Variants in KCNH8 observed in about 807,000 individuals in gnomAD.
KCNH8 encodes the protein voltage-gated delayed rectifier potassium channel KCNH8.
In KCNH8, 70 loss-of-function variants were observed where a neutral mutation model predicts 103.6. That is an observed-to-expected ratio of 0.68 (90% confidence interval 0.56 to 0.82). KCNH8 has a LOEUF of 0.82. KCNH8 is among the 40% of genes least tolerant of loss of function. KCNH8 has a pLI of 0.00. For missense variants in KCNH8, 1,217 were observed against 1,329.9 expected, an observed-to-expected ratio of 0.92 and a Z score of 1.32; for synonymous variants, 498 against 489.4, an observed-to-expected ratio of 1.02 and a Z score of -0.23.
chr3:19,206,300 C>A (rs1359218058), intron 1 of KCNH8, among the ~76,000 whole-genome samples: 1 of 134,678 alleles, frequency 7.4e-6, no homozygotes, highest in Non-Finnish European at 1.5e-5. Context: ...TTTATCCACT[C>A]GTTGATTGAT....
intron 1 of KCNH8, among the ~76,000 whole-genome samples, chr3:19,243,794 CCAGT>C (rs2064171863): frequency 6.6e-6 from 1 of 151,986 alleles, no homozygotes; most frequent in East Asian, 1.9e-4. Flanking sequence ...AAAGGCTGTT[CCAGT>C]CAGTTTGAAA....
chr3:19,468,098 T>C (rs1164770123), intron 11 of KCNH8, among the ~76,000 whole-genome samples: 1 of 152,242 alleles, frequency 6.6e-6, no homozygotes, highest in Non-Finnish European at 1.5e-5. Flanking sequence ...ATCACCTTGT[T>C]TGTCTTTTTT....
At chr3:19,243,682 A>T (rs1476428913) in intron 1 of KCNH8, among the ~76,000 whole-genome samples, 1 of 152,204 alleles carries the variant, frequency 6.6e-6, no homozygotes, top group Non-Finnish European at 1.5e-5. Context: ...GTCTTCAAAA[A>T]TTCAAATTTA....
chr3:19,524,148 T>C (rs989960683), intron 15 of KCNH8, among the ~76,000 whole-genome samples: 2 of 151,910 alleles, frequency 1.3e-5, no homozygotes, highest in Admixed American at 1.3e-4. Context: ...GTCCTCTGAA[T>C]TAGTGTTGCC....
chr3:19,226,891 A>G (rs1017559305), intron 1 of KCNH8, among the ~76,000 whole-genome samples: 1 of 152,208 alleles, frequency 6.6e-6, no homozygotes, highest in African/African-American at 2.4e-5. Flanking sequence ...TATGATTTGT[A>G]TACAATTCTG....
chr3:19,344,784 G>T (rs1268576879), intron 4 of KCNH8, among the ~76,000 whole-genome samples: 1 of 151,986 alleles, frequency 6.6e-6, no homozygotes, highest in Non-Finnish European at 1.5e-5. Flanking sequence ...ACATTTTATA[G>T]CCCTTTGCTA....
At chr3:19,454,344 A>T (rs962402862) in intron 10 of KCNH8, among the ~76,000 whole-genome samples, 3 of 152,098 alleles carry the variant, frequency 2.0e-5, no homozygotes, top group African/African-American at 7.2e-5. Flanking sequence ...CCTTAATCAT[A>T]AAATATTTTT....
At chr3:19,504,585 C>T (rs2068654726) in intron 11 of KCNH8, among the ~76,000 whole-genome samples, 1 of 152,082 alleles carries the variant, frequency 6.6e-6, no homozygotes, top group Non-Finnish European at 1.5e-5. Context: ...AAAAAAAGCT[C>T]AATATCACTG....
intron 7 of KCNH8, among the ~76,000 whole-genome samples, chr3:19,424,826 A>C (rs2067003344): frequency 6.6e-6 from 1 of 152,230 alleles, no homozygotes; most frequent in African/African-American, 2.4e-5. Context: ...ACAAATGGCC[A>C]ACAAACATAT....
intron 3 of KCNH8, among the ~76,000 whole-genome samples, chr3:19,284,445 A>C (rs1045704541): frequency 1.3e-5 from 2 of 151,820 alleles, no homozygotes; most frequent in Non-Finnish European, 2.9e-5. Context: ...CATTGGTGGA[A>C]GATGAGCACA....
At chr3:19,255,597 G>T (rs1042258807) in intron 2 of KCNH8, among the ~76,000 whole-genome samples, 1 of 152,006 alleles carries the variant, frequency 6.6e-6, no homozygotes, top group African/African-American at 2.4e-5. Flanking sequence ...CATGGCACAC[G>T]TTTACCTGTG....
chr3:19,378,989 G>C (rs1305584230), intron 5 of KCNH8, among the ~76,000 whole-genome samples: 1 of 151,984 alleles, frequency 6.6e-6, no homozygotes, highest in Non-Finnish European at 1.5e-5. Flanking sequence ...GGTACACAAG[G>C]GCAAGTAATT....
chr3:19,465,038 ATTTTC>A (rs1278978087), intron 11 of KCNH8, among the ~76,000 whole-genome samples: 1 of 152,148 alleles, frequency 6.6e-6, no homozygotes, highest in African/African-American at 2.4e-5. Flanking sequence ...TACTTAGAAG[ATTTTC>A]TTTTCTTTTA....
intron 2 of KCNH8, among the ~76,000 whole-genome samples, chr3:19,263,082 C>T (rs559517557): frequency 1.3e-5 from 2 of 151,976 alleles, no homozygotes; most frequent in South Asian, 4.1e-4. Flanking sequence ...TGAAAGCATC[C>T]AAGTGAGCCT....
intron 7 of KCNH8, 120 bp downstream of exon 7, chr3:19,395,431 A>G: frequency 1.6e-6 from 1 of 620,820 alleles, no homozygotes. Context: ...CAATTTGTCT[A>G]ATTAATTTCT....
chr3:19,341,137 G>C (rs2065654221), intron 3 of KCNH8, among the ~76,000 whole-genome samples: 1 of 152,054 alleles, frequency 6.6e-6, no homozygotes, highest in South Asian at 2.1e-4. Context: ...CACTAGGGAG[G>C]GGCTGCATGC....
chr3:19,258,975 A>G (rs1462345870), intron 2 of KCNH8, among the ~76,000 whole-genome samples: 1 of 132,902 alleles, frequency 7.5e-6, no homozygotes, highest in Non-Finnish European at 1.6e-5. Context: ...ATATATATAT[A>G]TATATATCTG....
At chr3:19,269,596 G>A (rs1165765861) in intron 2 of KCNH8, among the ~76,000 whole-genome samples, 2 of 151,942 alleles carry the variant, frequency 1.3e-5, no homozygotes, top group African/African-American at 2.4e-5. Flanking sequence ...CATTTCTCAC[G>A]TTTTTAACTT....
At chr3:19,455,735 A>C (rs1487333534) in intron 10 of KCNH8, among the ~76,000 whole-genome samples, 1 of 152,090 alleles carries the variant, frequency 6.6e-6, no homozygotes, top group African/African-American at 2.4e-5. Context: ...CTAGGATGCC[A>C]AGATTGGCAG....
Sources: allele counts gnomAD v4.1 joint callset (sites outside exome capture counted in the v4.1 genomes callset), GRCh38; gene constraint gnomAD v4.1.1; transcripts MANE v1.5; gene names NCBI Gene and HGNC (gene_info 2026-07-23, HGNC 2026-07-21).